The following SNTG1 variants were observed in gnomAD, a reference collection of about 807,000 sequenced individuals.
The protein encoded by SNTG1 is gamma-1-syntrophin.
In SNTG1, 39 loss-of-function variants were observed where a neutral mutation model predicts 74.7. That is an observed-to-expected ratio of 0.52 (90% CI 0.40 to 0.68). SNTG1 has a LOEUF of 0.68. Ranked by LOEUF, SNTG1 falls within the 30% of genes least tolerant of loss-of-function variation. The pLI is 0.00. For synonymous variants in SNTG1, 254 were observed against 217.1 expected, an observed-to-expected ratio of 1.17 and a Z score of -1.49; for missense variants, 685 against 609.5, an observed-to-expected ratio of 1.12 and a Z score of -1.30.
chr8:50,709,596 A>G (rs1204466158), intron 17 of SNTG1, among the ~76,000 whole-genome samples: 1 of 152,138 alleles, frequency 6.6e-6, no homozygotes, highest in African/African-American at 2.4e-5. Context: ...AAAAAATCCA[A>G]TTTTGATTAT....
intron 18 of SNTG1, among the ~76,000 whole-genome samples, chr8:50,761,370 G>T (rs1035714765): frequency 1.3e-5 from 2 of 151,958 alleles, no homozygotes; most frequent in African/African-American, 4.8e-5. Context: ...GTGTTCTACA[G>T]CTTGTGAGTA....
intron 1 of SNTG1, among the ~76,000 whole-genome samples, chr8:50,082,946 G>A (rs1269031913): frequency 1.3e-5 from 2 of 152,036 alleles, no homozygotes; most frequent in Non-Finnish European, 2.9e-5. Flanking sequence ...GGCTAATGGA[G>A]CCACTGACCT....
intron 5 of SNTG1, among the ~76,000 whole-genome samples, chr8:50,439,116 T>C (rs1233747452): frequency 6.6e-6 from 1 of 152,142 alleles, no homozygotes; most frequent in Non-Finnish European, 1.5e-5. Context: ...AACATATGTG[T>C]TCATTTAAAT....
At position 50,564,268 on chromosome 8, in the gene SNTG1, G is replaced by A. The variant is rs150840978; in HGVS notation, c.810+11089G>A. The stretch of plus-strand genomic sequence containing the variant: ...ATAATATAATTAACTTTGTATTATT[G>A]TAATTGTCATGAGCTCAAATATTTT... On this transcript the variant is annotated intron_variant, in intron 12 of 18. Coordinates refer to ENST00000642720, the MANE Select transcript of SNTG1 (RefSeq NM_018967.5). 1.5e-3 allele frequency among the ~76,000 whole-genome samples: 235 copies of A among 151,996 alleles called. 1 individual carries two copies. Among genetic ancestry groups the A allele is most frequent in the African/African-American group, 5.4e-3 (225 of 41,486 alleles).
At chr8:50,328,752 G>T (rs537957704) in intron 2 of SNTG1, among the ~76,000 whole-genome samples, 72 of 152,184 alleles carry the variant, frequency 4.7e-4, no homozygotes, top group African/African-American at 1.6e-3. Context: ...ATATCATTCT[G>T]CCCATGGCCC....
At chr8:50,389,117 G>A (rs2092618480) in intron 2 of SNTG1, among the ~76,000 whole-genome samples, 1 of 152,150 alleles carries the variant, frequency 6.6e-6, no homozygotes, top group African/African-American at 2.4e-5. Flanking sequence ...AGCATGTGAG[G>A]CCTGTAGAGA....
intron 15 of SNTG1, among the ~76,000 whole-genome samples, chr8:50,671,292 C>T (rs2095281148): frequency 6.6e-6 from 1 of 151,798 alleles, no homozygotes; most frequent in Non-Finnish European, 1.5e-5. Flanking sequence ...GCAACCTACT[C>T]ATCTGACAAA....
intron 2 of SNTG1, among the ~76,000 whole-genome samples, chr8:50,375,227 G>T (rs1374280446): frequency 6.6e-6 from 1 of 152,058 alleles, no homozygotes; most frequent in Non-Finnish European, 1.5e-5. Flanking sequence ...TGGACATAGA[G>T]CCTTGAATCT....
chr8:50,066,408 A>G (rs1182658253), intron 1 of SNTG1, among the ~76,000 whole-genome samples: 1 of 152,192 alleles, frequency 6.6e-6, no homozygotes, highest in African/African-American at 2.4e-5. Flanking sequence ...ATCATCTCAC[A>G]TAGTTTTTAA....
intron 2 of SNTG1, among the ~76,000 whole-genome samples, chr8:50,217,321 G>A (rs957759552): frequency 6.6e-5 from 10 of 151,910 alleles, no homozygotes; most frequent in African/African-American, 2.2e-4. Context: ...ATTAATGAAG[G>A]GGAGTCATTT....
At chr8:50,259,536 G>A (rs374463977) in intron 2 of SNTG1, among the ~76,000 whole-genome samples, 317 of 7,982 alleles carry the variant, frequency 0.04, 63 homozygotes, top group Middle Eastern at 0.17. Flanking sequence ...AAGAAAGAAA[G>A]AAAGAAAGAA....
intron 15 of SNTG1, among the ~76,000 whole-genome samples, chr8:50,681,288 GT>G (rs144636909): frequency 1.3e-4 from 20 of 151,268 alleles, no homozygotes; most frequent in African/African-American, 3.9e-4. Context: ...AGAGGATATA[GT>G]TTTTTTTTAA....
chr8:50,064,599 GC>G (rs1198519902), intron 1 of SNTG1, among the ~76,000 whole-genome samples: 2 of 152,140 alleles, frequency 1.3e-5, no homozygotes, highest in African/African-American at 4.8e-5. Flanking sequence ...TTCCACTGTG[GC>G]CTGTGTGGTC....
chr8:49,941,741 T>C (rs1050752207), intron 1 of SNTG1, among the ~76,000 whole-genome samples: 1 of 151,970 alleles, frequency 6.6e-6, no homozygotes, highest in African/African-American at 2.4e-5. Context: ...CTGGGATAAG[T>C]CTCTAATTGA....
chr8:50,780,793 GT>G (rs1221790931), intron 18 of SNTG1, among the ~76,000 whole-genome samples: 3 of 152,098 alleles, frequency 2.0e-5, no homozygotes, highest in Non-Finnish European at 4.4e-5. Flanking sequence ...TAATTGTGAT[GT>G]TAGGGTGTCA....
chr8:50,471,219 A>C (rs1359743073), intron 8 of SNTG1, among the ~76,000 whole-genome samples: 1 of 147,834 alleles, frequency 6.8e-6, no homozygotes, highest in African/African-American at 2.5e-5. Flanking sequence ...GAAACATCCC[A>C]AGCAAGGTGT....
chr8:49,990,240 A>G (rs1053507349), intron 1 of SNTG1, among the ~76,000 whole-genome samples: 4 of 152,052 alleles, frequency 2.6e-5, no homozygotes, highest in Non-Finnish European at 5.9e-5. Context: ...TTATATTTCT[A>G]TATACTATAA....
At chr8:50,179,306 T>C (rs1425568798) in intron 2 of SNTG1, among the ~76,000 whole-genome samples, 2 of 152,330 alleles carry the variant, frequency 1.3e-5, no homozygotes, top group East Asian at 1.9e-4. Flanking sequence ...CAGGGTCCCA[T>C]ATAACTTTAG....
intron 15 of SNTG1, among the ~76,000 whole-genome samples, chr8:50,693,079 GC>G (rs1190917037): frequency 3.3e-5 from 5 of 152,292 alleles, no homozygotes; most frequent in Admixed American, 3.3e-4. Flanking sequence ...CTCCTGATGT[GC>G]CCTTTTTTTA....
Sources: gnomAD v4.1 joint callset for allele counts (sites outside exome capture counted in the v4.1 genomes callset) on GRCh38, gnomAD v4.1.1 for gene constraint, MANE v1.5 for transcripts, NCBI Gene and HGNC (gene_info 2026-07-23, HGNC 2026-07-21) for gene names.